The following GALNT7 variants were observed in gnomAD, a reference collection of about 807,000 sequenced individuals.
GALNT7 encodes the protein polypeptide N-acetylgalactosaminyltransferase 7, also known as N-acetylgalactosaminyltransferase 7.
A neutral mutation model predicts 82.1 loss-of-function variants in GALNT7; 60 were observed. The ratio of observed to expected loss-of-function variants is 0.73; its 90% confidence interval spans 0.59 to 0.91. The LOEUF (loss-of-function observed/expected upper bound fraction) is 0.91. Among genes scored for constraint, GALNT7 ranks in the 40% least tolerant of loss-of-function variants. GALNT7 has a pLI of 0.00. For synonymous variants in GALNT7, 243 were observed against 275.1 expected (o/e 0.88, Z 1.15); for missense variants, 660 against 804.2 (o/e 0.82, Z 2.17).
At chr4:173,226,925 T>TA (rs1733851791) in intron 1 of GALNT7, among the ~76,000 whole-genome samples, 2 of 152,218 alleles carry the variant, frequency 1.3e-5, no homozygotes, top group Middle Eastern at 3.2e-3. Flanking sequence ...CTATAGTTTT[T>TA]AAAAAATAAA....
At chr4:173,259,501 C>G (rs1735175335) in intron 2 of GALNT7, among the ~76,000 whole-genome samples, 1 of 151,608 alleles carries the variant, frequency 6.6e-6, no homozygotes. Flanking sequence ...CTAGTTCTAC[C>G]TTTTGGCCAG....
chr4:173,188,195 T>C lies in GALNT7; in HGVS notation c.126+19234T>C, dbSNP rs186141528. ...ATTCTTAATTTAATCTTCTGACATT[T>C]TACAGTTGAGGAAATTTGTGGCTTA... On this transcript the variant is annotated intron_variant, in intron 1 of 11. Transcript: ENST00000265000. Among the ~76,000 whole-genome samples the C allele has an allele frequency of 5.9e-5, 9 of 152,338 alleles. No homozygotes were observed. In the East Asian group the frequency reaches 1.5e-3, roughly 26 times the overall value.
chr4:173,200,857 T>TA (rs531503670), intron 1 of GALNT7, among the ~76,000 whole-genome samples: 48 of 152,280 alleles, frequency 3.2e-4, no homozygotes, highest in African/African-American at 1.1e-3. Context: ...AGAAAAGAAT[T>TA]AGAGTAGCAT....
intron 1 of GALNT7, among the ~76,000 whole-genome samples, chr4:173,189,419 A>T (rs1265534906): frequency 6.6e-6 from 1 of 152,198 alleles, no homozygotes; most frequent in Non-Finnish European, 1.5e-5. Flanking sequence ...CCCATATTAG[A>T]TTTCTATTCA....
At chr4:173,257,008 T>G (rs1021121531) in intron 2 of GALNT7, among the ~76,000 whole-genome samples, 4 of 152,344 alleles carry the variant, frequency 2.6e-5, no homozygotes, top group Non-Finnish European at 5.9e-5. Flanking sequence ...AGGACTCAAT[T>G]TTGCCATAGT....
chr4:173,278,792 C>T (rs1458443900), intron 2 of GALNT7, among the ~76,000 whole-genome samples: 1 of 152,134 alleles, frequency 6.6e-6, no homozygotes. Context: ...TTGTCCAGTC[C>T]ACATCTGAAT....
chr4:173,247,989 G>A lies in GALNT7; in HGVS notation c.136G>A (p.Asp46Asn), dbSNP rs1396488354. 4 of 1,608,526 alleles carry A rather than the reference G, an allele frequency of 2.5e-6. No individual in the cohort carries two copies. The highest frequency in any genetic ancestry group is 1.7e-6 in the Non-Finnish European group (2 of 1,175,882). ...CCTCCCTTTTGTATAGGAAGACAGA[G>A]ATGTCAATGACCCCATGCCCAACCG... ...SPLSRMREDR[D>N]VNDPMPNRGG... is the part of the protein sequence containing the mutation. The change falls in exon 2 of 12, where the codon GAT becomes AAT. Residue 46 changes from aspartate (D) to asparagine (N), a missense_variant. Physicochemically the swap from Asp to Asn is conservative, Grantham distance 23. This residue lies in a region of GALNT7 where 133 missense variants were observed against 120.7 expected (regional missense o/e 1.10). Coordinates refer to ENST00000265000, the MANE Select transcript of GALNT7 (RefSeq NM_017423.3).
chr4:173,252,479 C>G (rs1372809120), intron 2 of GALNT7, among the ~76,000 whole-genome samples: 1 of 152,140 alleles, frequency 6.6e-6, no homozygotes, highest in Non-Finnish European at 1.5e-5. Context: ...GATGAATGTT[C>G]TCTTCCCTAG....
At chr4:173,265,613 CTCTCTCTG>C (rs1264624491) in intron 2 of GALNT7, among the ~76,000 whole-genome samples, 4 of 142,112 alleles carry the variant, frequency 2.8e-5, no homozygotes, top group African/African-American at 5.9e-5. Context: ...CTCTCTCTCT[CTCTCTCTG>C]TCTCTGTCTC....
chr4:173,217,003 T>C (rs1733493016), intron 1 of GALNT7, among the ~76,000 whole-genome samples: 1 of 151,812 alleles, frequency 6.6e-6, no homozygotes, highest in Admixed American at 6.6e-5. Flanking sequence ...AGTGCTGGGA[T>C]TACAGGTGTG....
intron 5 of GALNT7, among the ~76,000 whole-genome samples, chr4:173,297,502 A>T (rs1197893472): frequency 1.3e-5 from 2 of 152,196 alleles, no homozygotes; most frequent in African/African-American, 4.8e-5. Context: ...AAATTACCAA[A>T]AGAAAGTTGC....
At chr4:173,311,546 G>A (rs537595620) in intron 8 of GALNT7, among the ~76,000 whole-genome samples, 4 of 152,302 alleles carry the variant, frequency 2.6e-5, no homozygotes, top group Non-Finnish European at 4.4e-5. Context: ...CTCACCTGGT[G>A]GGAGCAGGAG....
intron 11 of GALNT7, among the ~76,000 whole-genome samples, chr4:173,319,549 C>T (rs1178099087): frequency 6.6e-6 from 1 of 151,842 alleles, no homozygotes; most frequent in Non-Finnish European, 1.5e-5. Flanking sequence ...TATATAATAG[C>T]AATAAATAGT....
At chr4:173,188,531 C>A (rs1031596701) in intron 1 of GALNT7, among the ~76,000 whole-genome samples, 2 of 152,206 alleles carry the variant, frequency 1.3e-5, no homozygotes, top group Non-Finnish European at 2.9e-5. Context: ...ATATCTTTCA[C>A]AAACTGACCT....
At chr4:173,288,214 C>A (rs1231236304) in intron 2 of GALNT7, among the ~76,000 whole-genome samples, 3 of 131,984 alleles carry the variant, frequency 2.3e-5, no homozygotes, top group Non-Finnish European at 4.6e-5. Context: ...ACCCGGGAGG[C>A]GGAGCTTGCA....
chr4:173,170,928 TGGTGATGATAAAGAA>T (rs1296699682), intron 1 of GALNT7, among the ~76,000 whole-genome samples: 3 of 152,190 alleles, frequency 2.0e-5, no homozygotes, highest in African/African-American at 7.2e-5. Context: ...CAGTACTATA[TGGTGATGATAAAGAA>T]GGTGATGATA....
At chr4:173,186,606 T>A (rs1732468842) in intron 1 of GALNT7, among the ~76,000 whole-genome samples, 1 of 152,224 alleles carries the variant, frequency 6.6e-6, no homozygotes, top group Non-Finnish European at 1.5e-5. Flanking sequence ...GCTTTAAAAA[T>A]GAAAATACTT....
chr4:173,209,352 T>G (rs11737748), intron 1 of GALNT7, among the ~76,000 whole-genome samples: 2 of 152,160 alleles, frequency 1.3e-5, no homozygotes, highest in Non-Finnish European at 2.9e-5. Context: ...TCAGTATTTC[T>G]TTCTAGCTAG....
At chr4:173,303,051 C>T (rs1384772462) in intron 7 of GALNT7, among the ~76,000 whole-genome samples, 4 of 152,032 alleles carry the variant, frequency 2.6e-5, no homozygotes, top group African/African-American at 7.2e-5. Flanking sequence ...AAAAATTAGC[C>T]GGGTGTGGTG....
Sources: gnomAD v4.1 joint callset for allele counts (sites outside exome capture counted in the v4.1 genomes callset) on GRCh38, gnomAD v4.1.1 for gene constraint, gnomAD v4.1.1 regional missense constraint, MANE v1.5 for transcripts, NCBI Gene and HGNC (gene_info 2026-07-23, HGNC 2026-07-21) for gene names.